Variants in USP24 observed in about 807,000 individuals in gnomAD.
USP24 encodes the protein ubiquitin carboxyl-terminal hydrolase 24.
USP24 carries 97 observed loss-of-function variants against 361.6 expected under a neutral mutation model. That is an observed-to-expected ratio of 0.27 (90% CI 0.23 to 0.32). USP24 has a LOEUF of 0.32. Among genes scored for constraint, USP24 ranks in the 10% least tolerant of loss-of-function variants. The pLI is 1.00. For synonymous variants in USP24, 1,098 were observed against 1,124.6 expected, an observed-to-expected ratio of 0.98 and a Z score of 0.47; for missense variants, 2,353 against 3,165.6, an observed-to-expected ratio of 0.74 and a Z score of 6.16.
chr1:55,075,982 A>G (rs1436209137), intron 62 of USP24, among the ~76,000 whole-genome samples: 1 of 152,184 alleles, frequency 6.6e-6, no homozygotes, highest in East Asian at 1.9e-4. Context: ...AAACAAAACA[A>G]AACAAAAAAC....
chr1:55,115,209 A>T (rs1472801773), intron 38 of USP24, among the ~76,000 whole-genome samples: 1 of 152,136 alleles, frequency 6.6e-6, no homozygotes, highest in Non-Finnish European at 1.5e-5. Flanking sequence ...TATCTTACAT[A>T]GAATGGCGAT....
intron 17 of USP24, 89 bp from the exon 18 acceptor site, chr1:55,147,887 C>T (rs1488101212): frequency 3.2e-5 from 43 of 1,356,528 alleles, no homozygotes; most frequent in Non-Finnish European, 4.2e-5. Context: ...AAGATGTAGT[C>T]CTAGATGAGA....
chr1:55,080,560 C>G (rs1487878547), intron 59 of USP24, among the ~76,000 whole-genome samples: 1 of 152,084 alleles, frequency 6.6e-6, no homozygotes, highest in Non-Finnish European at 1.5e-5. Flanking sequence ...TTACGGGGAT[C>G]AAACACAGTA....
intron 21 of USP24, 42 bp downstream of exon 21, chr1:55,144,085 T>C (rs1178525040): frequency 6.8e-7 from 1 of 1,476,870 alleles, no homozygotes; most frequent in Admixed American, 2.3e-5. Context: ...CAAGTTATAC[T>C]AGATTATCCA....
rs770615115 is a variant in USP24 at position 55,146,917 on chromosome 1, C to T, written c.2250+12G>A. On this transcript the variant is annotated intron_variant, in intron 19 of 67. Transcript: ENST00000294383. ...TTTCTGCCTTACTTTATCCACAATA[C>T]CACCTTCTTACCTCTCTATCTAATT... 22 of 1,610,834 alleles carry T rather than the reference C, an allele frequency of 1.4e-5. No homozygotes were observed. The highest frequency in any genetic ancestry group is 1.6e-4 in the Middle Eastern group (1 of 6,064).
chr1:55,128,341 T>G (rs1391067938), intron 32 of USP24, among the ~76,000 whole-genome samples: 1 of 152,174 alleles, frequency 6.6e-6, no homozygotes, highest in Non-Finnish European at 1.5e-5. Flanking sequence ...TTTCAGGTAA[T>G]TCTCGGCTTA....
At position 55,123,763 on chromosome 1, in the gene USP24, C is replaced by T. The variant is rs567377588; in HGVS notation, c.4121-161G>A. On this transcript the variant is annotated intron_variant, in intron 35 of 67. Transcript: ENST00000294383. The stretch of plus-strand genomic sequence containing the variant: ...GAGATTTAATACTGTATTTGAAACA[C>T]TCTCACTACTTTTTCTTTAAAACAC... 1.8e-3 allele frequency among the ~76,000 whole-genome samples: 269 copies of T among 152,320 alleles called. 1 individual carries two copies. The highest frequency in any genetic ancestry group is 6.3e-3 in the African/African-American group (263 of 41,566).
intron 16 of USP24, among the ~76,000 whole-genome samples, chr1:55,149,291 T>A (rs1201185890): frequency 1.3e-5 from 2 of 152,184 alleles, no homozygotes; most frequent in Non-Finnish European, 2.9e-5. Flanking sequence ...TTTCAAACTA[T>A]GAAATTTCAA....
intron 22 of USP24, 71 bp downstream of exon 22, chr1:55,142,908 C>T (rs1557627109): frequency 7.0e-7 from 1 of 1,432,186 alleles, no homozygotes; most frequent in Non-Finnish European, 9.4e-7. Flanking sequence ...AGGATCACAG[C>T]TTATCACTAA....
rs150949320 is a variant in USP24, at chr1:55,111,712, T to C, written c.4509-1466A>G. On this transcript the variant is annotated intron_variant, in intron 38 of 67. Coordinates refer to ENST00000294383, the MANE Select transcript of USP24 (RefSeq NM_015306.3). ...ATGTCTAATTCAGCTTAAATCTTGA[T>C]GGTAAACTATAACATAATTTTTAAG... 6.3e-3 allele frequency among the ~76,000 whole-genome samples: 961 copies of C among 152,242 alleles called. 7 individuals carry two copies. The highest frequency in any genetic ancestry group is 0.021 in the African/African-American group (889 of 41,564).
chr1:55,088,909 T>TACTA (rs1264601503), intron 55 of USP24, among the ~76,000 whole-genome samples: 1 of 152,044 alleles, frequency 6.6e-6, no homozygotes, highest in Non-Finnish European at 1.5e-5. Flanking sequence ...ATAGGTAATA[T>TACTA]ACTACCAGGA....
At position 55,143,094 on chromosome 1, in the gene USP24, C is replaced by A; in HGVS notation, c.2465G>T (p.Gly822Val). 1 of 1,519,466 alleles carries A rather than the reference C, an allele frequency of 6.6e-7. No homozygotes were observed. Among genetic ancestry groups the A allele is most frequent in the Non-Finnish European group, 8.8e-7 (1 of 1,138,360 alleles). 94.1% of individuals were successfully genotyped at this position (1,519,466 alleles called of 1,614,324 possible). A position where few individuals can be genotyped will look rare whatever the true frequency, so the allele number is the denominator to read the frequency against. ...QLYVEKLELI[G>V]MDFIWKIAME... ...GGCTATTTTCCAAATGAAATCCATT[C>A]CTATCAATTCCAGCTTTTCTACATA... The change falls in exon 22 of 68, where the codon GGA becomes GTA. Residue 822 changes from glycine to valine, a missense_variant. Physicochemically the swap from Gly to Val is moderately radical, Grantham distance 109. Transcript: ENST00000294383.
chr1:55,113,370 T>G (rs1389497516), intron 38 of USP24, among the ~76,000 whole-genome samples: 1 of 152,172 alleles, frequency 6.6e-6, no homozygotes, highest in Non-Finnish European at 1.5e-5. Context: ...TAACAAGTTC[T>G]GAAATGGAGG....
At chr1:55,082,784 AG>A (rs1285024784) in intron 58 of USP24, among the ~76,000 whole-genome samples, 2 of 152,236 alleles carry the variant, frequency 1.3e-5, no homozygotes, top group Non-Finnish European at 2.9e-5. Flanking sequence ...CTGGTGACAG[AG>A]TGAGACCTTG....
chr1:55,158,271 T>C (rs1342923209), intron 10 of USP24, among the ~76,000 whole-genome samples: 1 of 152,230 alleles, frequency 6.6e-6, no homozygotes, highest in East Asian at 1.9e-4. Flanking sequence ...ACCCAGCCTC[T>C]TTTCAATGAA....
rs186372912 is a variant in USP24 at position 55,189,565 on chromosome 1, A to G, written c.325-11433T>C. Among the ~76,000 whole-genome samples the G allele has an allele frequency of 3.0e-3, 462 of 152,318 alleles. 3 individuals carry two copies. The highest frequency in any genetic ancestry group is 0.011 in the African/African-American group (450 of 41,576). On this transcript the variant is annotated intron_variant, in intron 1 of 67. Transcript: ENST00000294383. ...AAAGTAGACTGGTGGTTGCCACAGG[A>G]TGGCAGGAGATAGAAAAAGACAGCA...
At chr1:55,166,533 T>C (rs1648883496) in intron 6 of USP24, 35 bp downstream of exon 6, 2 of 1,556,574 alleles carry the variant, frequency 1.3e-6, no homozygotes, top group Non-Finnish European at 1.7e-6. Context: ...AAATTGAAAA[T>C]ATGCTACATG....
chr1:55,209,248 T>C (rs1251828845), intron 1 of USP24, among the ~76,000 whole-genome samples: 1 of 152,172 alleles, frequency 6.6e-6, no homozygotes, highest in Non-Finnish European at 1.5e-5. Context: ...TACTTCTTTA[T>C]CCATCCAACT....
intron 51 of USP24, among the ~76,000 whole-genome samples, chr1:55,094,580 A>G (rs1176150792): frequency 2.6e-5 from 4 of 151,956 alleles, no homozygotes; most frequent in African/African-American, 4.8e-5. Flanking sequence ...CTGACCCAAT[A>G]TATTAAAAGG....
Sources: allele counts gnomAD v4.1 joint callset (sites outside exome capture counted in the v4.1 genomes callset), GRCh38; gene constraint gnomAD v4.1.1; transcripts MANE v1.5; gene names NCBI Gene and HGNC (gene_info 2026-07-23, HGNC 2026-07-21).